ATAD2B: variants seen among roughly 807,000 people sequenced by gnomAD.
ATAD2B encodes ATPase family AAA domain containing 2B, also known as ATPase family AAA domain-containing protein 2B.
A neutral mutation model predicts 167.6 loss-of-function variants in ATAD2B; 40 were observed. The ratio of observed to expected loss-of-function variants is 0.24; its 90% CI spans 0.19 to 0.31. ATAD2B has a LOEUF of 0.31. Among genes scored for constraint, ATAD2B ranks in the 10% least tolerant of loss-of-function variants. The probability of loss-of-function intolerance (pLI) is 1.00; values close to 1 mark genes in which losing one functional copy is unlikely to be tolerated. For missense variants in ATAD2B, 1,242 were observed against 1,757.2 expected, an observed-to-expected ratio of 0.71 and a Z score of 5.24; for synonymous variants, 579 against 596.5, an observed-to-expected ratio of 0.97 and a Z score of 0.43.
chr2:23,841,248 A>G (rs1032914210), intron 13 of ATAD2B, among the ~76,000 whole-genome samples: 2 of 151,730 alleles, frequency 1.3e-5, no homozygotes, highest in African/African-American at 4.8e-5. Flanking sequence ...CCTAATTGTT[A>G]TATCTTCTAG....
chr2:23,715,409 T>C, the ATAD2B span, among the ~76,000 whole-genome samples: 1 of 151,914 alleles, frequency 6.6e-6, no homozygotes, highest in Admixed American at 6.6e-5. Flanking sequence ...CTGTCTCTAC[T>C]AAAAATACAA....
chr2:23,693,598 G>T, the ATAD2B span: 12 of 1,462,538 alleles, frequency 8.2e-6, no homozygotes, highest in African/African-American at 1.5e-4. Flanking sequence ...GGGGTCTGCA[G>T]CAAGGAGGAA....
intron 12 of ATAD2B, among the ~76,000 whole-genome samples, chr2:23,857,994 C>T (rs573055806): frequency 2.0e-5 from 3 of 152,062 alleles, no homozygotes; most frequent in Non-Finnish European, 2.9e-5. Context: ...CTGCCCGCCT[C>T]GACCTCCCAA....
the ATAD2B span, among the ~76,000 whole-genome samples, chr2:23,678,910 G>A: frequency 1.3e-5 from 2 of 152,258 alleles, no homozygotes; most frequent in South Asian, 4.2e-4. Flanking sequence ...ATGAGTGGAG[G>A]GGAGGTGGGG....
At chr2:23,804,958 C>A (rs1437559451) in intron 18 of ATAD2B, among the ~76,000 whole-genome samples, 1 of 151,696 alleles carries the variant, frequency 6.6e-6, no homozygotes, top group African/African-American at 2.4e-5. Context: ...GCCTGGCCAA[C>A]ATGGTGAAAC....
chr2:23,723,304 A>C, the ATAD2B span, among the ~76,000 whole-genome samples: 1 of 150,768 alleles, frequency 6.6e-6, no homozygotes, highest in African/African-American at 2.4e-5. Context: ...ACCAAAAAAC[A>C]ACAGCAACAA....
intron 21 of ATAD2B, among the ~76,000 whole-genome samples, chr2:23,785,387 G>A (rs1184143157): frequency 6.6e-6 from 1 of 152,098 alleles, no homozygotes; most frequent in Non-Finnish European, 1.5e-5. Flanking sequence ...AACCAAAAAT[G>A]TAGTTGATAG....
chr2:23,744,546 C>T (rs1000551463), downstream of ATAD2B, among the ~76,000 whole-genome samples: 9 of 152,184 alleles, frequency 5.9e-5, no homozygotes, highest in African/African-American at 1.9e-4. Context: ...AAGTGCTTTA[C>T]ATATATTCAC....
intron 18 of ATAD2B, among the ~76,000 whole-genome samples, chr2:23,808,825 A>G (rs1298385540): frequency 6.6e-6 from 1 of 152,108 alleles, no homozygotes; most frequent in Non-Finnish European, 1.5e-5. Flanking sequence ...TTCTTTATGA[A>G]CATTGCTGAA....
rs140167412 is a variant in ATAD2B, at chr2:23,845,200, G to C, written c.1569-11122C>G. On this transcript the variant is annotated intron_variant, in intron 13 of 27. Transcript: ENST00000238789. ...CATAAAACTACCATCCTGCCTAGCA[G>C]TTTCACTCCTTATCTCTACCCAAGA... Among the ~76,000 whole-genome samples the C allele has an allele frequency of 3.3e-5, 5 of 152,208 alleles. No individual in the cohort carries two copies. The East Asian group carries it at 9.7e-4, about 29-fold the overall frequency.
Position 23,754,161 on chromosome 2 carries a change from G to A in ATAD2B, c.4335+18C>T, listed in dbSNP as rs946678869. 6.7e-7 allele frequency: 1 copy of A among 1,485,356 alleles called. No homozygotes were observed. Among genetic ancestry groups the A allele is most frequent in the Non-Finnish European group, 8.9e-7 (1 of 1,119,204 alleles). The allele number at this position is 1,485,356 out of a possible 1,614,324, so 92.0% of individuals were successfully genotyped here. A position where few individuals can be genotyped will look rare whatever the true frequency, so the allele number is the denominator to read the frequency against. ...AAATCAAGTATTTGTTTATTCTACA[G>A]ATAAACTAAACACTTACCTCTACAA... On this transcript the variant is annotated intron_variant, in intron 27 of 27. Transcript: ENST00000238789.
intron 14 of ATAD2B, chr2:23,832,162 TC>T: frequency 2.2e-6 from 1 of 460,622 alleles, no homozygotes; most frequent in Admixed American, 2.5e-5. Flanking sequence ...TACATTTTCT[TC>T]ACTTGGCTAC....
At chr2:23,746,249 T>G (rs1674874185), downstream of ATAD2B, among the ~76,000 whole-genome samples, 1 of 152,220 alleles carries the variant, frequency 6.6e-6, no homozygotes, top group South Asian at 2.1e-4. Context: ...AAGCATCAAC[T>G]CTGGAGCCAA....
At chr2:23,699,914 C>CTACT in the ATAD2B span, among the ~76,000 whole-genome samples, 1 of 152,230 alleles carries the variant, frequency 6.6e-6, no homozygotes, top group Non-Finnish European at 1.5e-5. Context: ...GACTCCCCCA[C>CTACT]TACTTTGGTC....
the ATAD2B span, among the ~76,000 whole-genome samples, chr2:23,728,335 TG>T: frequency 1.3e-5 from 2 of 152,168 alleles, no homozygotes; most frequent in Non-Finnish European, 2.9e-5. Flanking sequence ...GTACAACACT[TG>T]TTTATTTTAG....
At chr2:23,894,671 A>C (rs1156797) in intron 2 of ATAD2B, among the ~76,000 whole-genome samples, 111,502 of 151,942 alleles carry the variant, frequency 0.73, 41,333 homozygotes, top group East Asian at 0.85. Flanking sequence ...TTAATAAATG[A>C]AGGATAGAGA....
Position 23,857,493 on chromosome 2 carries a change from A to G in ATAD2B, c.1490T>C (p.Met497Thr). The change falls in exon 13 of 28, where the codon ATG (methionine) becomes ACG (threonine). Residue 497 changes from methionine (M) to threonine (T), a missense_variant. Met to Thr is a moderately conservative substitution (Grantham distance 81). Coordinates refer to ENST00000238789, the MANE Select transcript of ATAD2B (RefSeq NM_017552.4). ...LRLLFDQAYL[M>T]RPSIIFFDEI... Reference sequence around the variant, plus strand: ...ATCAAAAAATATTATAGAAGGTCTCATCAAATATGCCTAGTAAGAAGAAAA... The same window carrying G: ...ATCAAAAAATATTATAGAAGGTCTCGTCAAATATGCCTAGTAAGAAGAAAA... 1.4e-6 allele frequency: 2 copies of G among 1,433,334 alleles called. No individual in the cohort carries two copies. Among genetic ancestry groups the G allele is most frequent in the Non-Finnish European group, 1.9e-6 (2 of 1,074,802 alleles). The allele number at this position is 1,433,334 out of a possible 1,614,324, so 88.8% of individuals were successfully genotyped here.
rs537789583 is a variant in ATAD2B at position 23,893,281 on chromosome 2, T to C, written c.368+2538A>G. Among the ~76,000 whole-genome samples the C allele has an allele frequency of 6.8e-4, 103 of 152,312 alleles. 2 individuals carry two copies. The highest frequency in any genetic ancestry group is 3.4e-3 in the Middle Eastern group (1 of 294). ...GTTCTTTAGAATTCATTATTTTTCA[T>C]AGCTAATACTAATTCTTATCTGTAT... On this transcript the variant is annotated intron_variant, in intron 2 of 27. Coordinates refer to ENST00000238789, the MANE Select transcript of ATAD2B (RefSeq NM_017552.4).
chr2:23,885,330 G>C (rs1698511756), intron 5 of ATAD2B, among the ~76,000 whole-genome samples: 1 of 152,310 alleles, frequency 6.6e-6, no homozygotes, highest in East Asian at 1.9e-4. Context: ...ATATTAACAA[G>C]AGTAAAAGTT....
Sources: allele counts gnomAD v4.1 joint callset (sites outside exome capture counted in the v4.1 genomes callset), GRCh38; gene constraint gnomAD v4.1.1; transcripts MANE v1.5; gene names NCBI Gene and HGNC (gene_info 2026-07-23, HGNC 2026-07-21).